The following CNTN4 variants were observed in gnomAD, a reference collection of about 807,000 sequenced individuals.
CNTN4 encodes the protein contactin-4.
Under a neutral mutation model 122.5 loss-of-function variants are expected in CNTN4, and 77 were observed. The observed-to-expected ratio is 0.63, with a 90% CI of 0.52 to 0.76. The LOEUF (loss-of-function observed/expected upper bound fraction) is 0.76, where lower values mean the gene tolerates loss of function less well. CNTN4 is among the 30% of genes least tolerant of loss of function. The pLI is 0.00. For synonymous variants in CNTN4, 512 were observed against 447.0 expected, an observed-to-expected ratio of 1.15 and a Z score of -1.83; for missense variants, 1,256 against 1,259.1, an observed-to-expected ratio of 1.00 and a Z score of 0.04.
intron 2 of CNTN4, among the ~76,000 whole-genome samples, chr3:2,223,538 AATT>A (rs1231777788): frequency 6.6e-6 from 1 of 152,184 alleles, no homozygotes; most frequent in Non-Finnish European, 1.5e-5. Flanking sequence ...GTGGAATAAT[AATT>A]ATTATTGCCT....
chr3:2,226,083 T>G (rs2039270886), intron 2 of CNTN4, among the ~76,000 whole-genome samples: 1 of 152,178 alleles, frequency 6.6e-6, no homozygotes, highest in Non-Finnish European at 1.5e-5. Context: ...TAAATACTGG[T>G]AAAAGCATTG....
intron 13 of CNTN4, among the ~76,000 whole-genome samples, chr3:2,934,544 G>GT (rs2094551632): frequency 6.6e-6 from 1 of 152,244 alleles, no homozygotes; most frequent in East Asian, 1.9e-4. Context: ...GTGATGGCAG[G>GT]TATTTGCCCA....
chr3:3,009,421 AAAT>A (rs1396656959), intron 14 of CNTN4, among the ~76,000 whole-genome samples: 1 of 151,828 alleles, frequency 6.6e-6, no homozygotes, highest in Non-Finnish European at 1.5e-5. Flanking sequence ...ATTTCTCTGA[AAAT>A]AATAATGACA....
chr3:2,121,412 C>T (rs143518128), intron 2 of CNTN4, among the ~76,000 whole-genome samples: 4 of 151,124 alleles, frequency 2.6e-5, no homozygotes, highest in South Asian at 2.1e-4. Flanking sequence ...GCAGGAGAAT[C>T]GCTTGAACCT....
chr3:2,253,510 A>G (rs1450827437), intron 2 of CNTN4, among the ~76,000 whole-genome samples: 4 of 152,200 alleles, frequency 2.6e-5, no homozygotes, highest in Non-Finnish European at 5.9e-5. Context: ...TTCAACAGCT[A>G]AAAAGGTCTA....
chr3:2,153,741 G>A (rs914206604), intron 2 of CNTN4, among the ~76,000 whole-genome samples: 10 of 152,212 alleles, frequency 6.6e-5, no homozygotes, highest in South Asian at 2.1e-4. Context: ...AGAGAATGGC[G>A]TGGGGTGAAA....
chr3:2,844,747 C>G (rs1291557400), intron 7 of CNTN4, among the ~76,000 whole-genome samples: 1 of 152,180 alleles, frequency 6.6e-6, no homozygotes, highest in Non-Finnish European at 1.5e-5. Context: ...GTCTAATCAG[C>G]AAGAGTCTAT....
chr3:2,115,210 T>C (rs2033261368), intron 2 of CNTN4, among the ~76,000 whole-genome samples: 1 of 152,192 alleles, frequency 6.6e-6, no homozygotes, highest in African/African-American at 2.4e-5. Flanking sequence ...CTTAGTAACA[T>C]AAGGATGAAG....
chr3:2,410,361 A>AG (rs2047185755), intron 3 of CNTN4, among the ~76,000 whole-genome samples: 1 of 152,218 alleles, frequency 6.6e-6, no homozygotes, highest in Non-Finnish European at 1.5e-5. Context: ...TAATAATTCC[A>AG]GAAGATTTCC....
chr3:2,238,837 C>T (rs569325593), intron 2 of CNTN4: 3 of 103,624 alleles, frequency 2.9e-5, no homozygotes, highest in South Asian at 9.3e-4. Flanking sequence ...CCGCCATTCT[C>T]CCGCCTCAGC....
chr3:2,250,600 CACATTACATGTATGGAA>C (rs1405005580), intron 2 of CNTN4, among the ~76,000 whole-genome samples: 1 of 151,816 alleles, frequency 6.6e-6, no homozygotes, highest in Non-Finnish European at 1.5e-5. Context: ...CTGATCTGAT[CACATTACATGTATGGAA>C]ACATCACTAT....
intron 3 of CNTN4, among the ~76,000 whole-genome samples, chr3:2,526,309 A>G (rs1298543343): frequency 3.3e-5 from 5 of 152,170 alleles, no homozygotes; most frequent in African/African-American, 7.2e-5. Flanking sequence ...AGAAGCTGGT[A>G]TTTCTGCAGT....
chr3:2,413,566 C>T (rs779128557), intron 3 of CNTN4, among the ~76,000 whole-genome samples: 7 of 150,060 alleles, frequency 4.7e-5, no homozygotes, highest in Middle Eastern at 3.4e-3. Flanking sequence ...TTTTTTGAGA[C>T]GGAGTCTCCC....
intron 2 of CNTN4, among the ~76,000 whole-genome samples, chr3:2,309,927 C>A (rs1045073285): frequency 1.8e-4 from 28 of 152,114 alleles, no homozygotes; most frequent in African/African-American, 6.3e-4. Context: ...TATTTCCTAT[C>A]TGTAAAATAG....
At chr3:2,527,409 A>ATGTTGC (rs1553681058) in intron 3 of CNTN4, among the ~76,000 whole-genome samples, 1 of 149,940 alleles carries the variant, frequency 6.7e-6, no homozygotes, top group Non-Finnish European at 1.5e-5. Flanking sequence ...GGAACAATGT[A>ATGTTGC]TGCTGCTGCT....
At chr3:2,439,678 G>A (rs909357740) in intron 3 of CNTN4, among the ~76,000 whole-genome samples, 3 of 152,050 alleles carry the variant, frequency 2.0e-5, no homozygotes, top group Non-Finnish European at 4.4e-5. Flanking sequence ...TTCTAAAATG[G>A]AGGAAGAAGA....
intron 2 of CNTN4, among the ~76,000 whole-genome samples, chr3:2,194,328 G>T (rs1320723386): frequency 6.6e-6 from 1 of 151,972 alleles, no homozygotes; most frequent in Non-Finnish European, 1.5e-5. Context: ...AGGTGTGGTG[G>T]TGTGCTCCTG....
At chr3:2,150,479 T>C (rs781308019) in intron 2 of CNTN4, among the ~76,000 whole-genome samples, 7 of 152,318 alleles carry the variant, frequency 4.6e-5, no homozygotes, top group South Asian at 4.1e-4. Flanking sequence ...TGTTTTTCTA[T>C]TTTCTTCCCC....
intron 2 of CNTN4, among the ~76,000 whole-genome samples, chr3:2,232,098 T>C (rs1382968855): frequency 1.3e-5 from 2 of 152,178 alleles, no homozygotes; most frequent in Admixed American, 6.5e-5. Context: ...TTCTGAGACC[T>C]GTCTGAAATT....
Sources: gnomAD v4.1 joint callset for allele counts (sites outside exome capture counted in the v4.1 genomes callset) on GRCh38, gnomAD v4.1.1 for gene constraint, MANE v1.5 for transcripts, NCBI Gene and HGNC (gene_info 2026-07-23, HGNC 2026-07-21) for gene names.